The following FBXL17 variants were observed in gnomAD, a reference collection of about 807,000 sequenced individuals.
FBXL17 encodes the protein F-box/LRR-repeat protein 17.
In FBXL17, 22 loss-of-function variants were observed where a neutral mutation model predicts 66.2. The observed-to-expected ratio is 0.33, with a 90% CI of 0.24 to 0.47. The LOEUF is 0.47. Ranked by LOEUF, FBXL17 falls within the 20% of genes least tolerant of loss-of-function variation. The probability of loss-of-function intolerance (pLI) is 1.00; values close to 1 mark genes in which losing one functional copy is unlikely to be tolerated. For missense variants in FBXL17, 878 were observed against 948.2 expected (o/e 0.93, Z 0.97); for synonymous variants, 474 against 400.5 (o/e 1.18, Z -2.19).
At chr5:108,205,102 G>T (rs575566254) in intron 5 of FBXL17, among the ~76,000 whole-genome samples, 204 of 151,664 alleles carry the variant, frequency 1.3e-3, no homozygotes, top group African/African-American at 4.8e-3. Context: ...TTAGAAACAG[G>T]GTTTGTTACC....
At chr5:108,268,005 T>C (rs1439110893) in intron 4 of FBXL17, among the ~76,000 whole-genome samples, 1 of 152,106 alleles carries the variant, frequency 6.6e-6, no homozygotes, top group Non-Finnish European at 1.5e-5. Flanking sequence ...GTAATTTTAG[T>C]TTTTTGTTGA....
chr5:107,984,818 A>G (rs1752956866), intron 7 of FBXL17, among the ~76,000 whole-genome samples: 3 of 152,348 alleles, frequency 2.0e-5, no homozygotes, highest in South Asian at 2.1e-4. Flanking sequence ...TCAGAAAGCT[A>G]TCATTCATTT....
chr5:107,922,182 C>T (rs952232187), intron 7 of FBXL17, among the ~76,000 whole-genome samples: 65 of 152,294 alleles, frequency 4.3e-4, no homozygotes, highest in East Asian at 5.8e-4. Flanking sequence ...TGCTCTAATG[C>T]TGTGGGCACT....
chr5:107,913,874 G>C (rs955773639), intron 7 of FBXL17, among the ~76,000 whole-genome samples: 2 of 152,058 alleles, frequency 1.3e-5, no homozygotes, highest in African/African-American at 4.8e-5. Flanking sequence ...AACAGTACAA[G>C]AGCATGTGCC....
intron 6 of FBXL17, among the ~76,000 whole-genome samples, chr5:108,096,270 T>A: frequency 6.6e-6 from 1 of 152,234 alleles, no homozygotes; most frequent in East Asian, 1.9e-4. Context: ...AAGCCATTAA[T>A]TCATTATCAA....
intron 7 of FBXL17, among the ~76,000 whole-genome samples, chr5:108,000,130 A>G (rs1753661605): frequency 6.6e-6 from 1 of 152,190 alleles, no homozygotes; most frequent in Admixed American, 6.5e-5. Context: ...CCTCCCTTCT[A>G]GATTTGCTGT....
chr5:108,312,241 C>A (rs985705642), intron 4 of FBXL17, among the ~76,000 whole-genome samples: 18 of 152,200 alleles, frequency 1.2e-4, no homozygotes, highest in African/African-American at 3.9e-4. Context: ...TCTCTCAACT[C>A]CCATAAAAAA....
chr5:108,289,196 G>T (rs909717000), intron 4 of FBXL17, among the ~76,000 whole-genome samples: 1 of 152,018 alleles, frequency 6.6e-6, no homozygotes, highest in Non-Finnish European at 1.5e-5. Flanking sequence ...TAACACACAC[G>T]AAGTACCTGG....
At chr5:107,906,545 A>C (rs371515145) in intron 7 of FBXL17, among the ~76,000 whole-genome samples, 3 of 152,186 alleles carry the variant, frequency 2.0e-5, no homozygotes, top group East Asian at 3.8e-4. Flanking sequence ...GCTACATTTC[A>C]GATGATTGAG....
chr5:108,164,409 C>A (rs1752332775), intron 6 of FBXL17, among the ~76,000 whole-genome samples: 1 of 152,090 alleles, frequency 6.6e-6, no homozygotes, highest in Non-Finnish European at 1.5e-5. Flanking sequence ...TGTCTTAGTC[C>A]AAGCCTCTTC....
intron 7 of FBXL17, among the ~76,000 whole-genome samples, chr5:107,974,050 T>G (rs1484405197): frequency 6.6e-6 from 1 of 152,158 alleles, no homozygotes; most frequent in Non-Finnish European, 1.5e-5. Flanking sequence ...ATTTGCTATT[T>G]GCAAGGCAGA....
intron 6 of FBXL17, among the ~76,000 whole-genome samples, chr5:108,093,728 G>C (rs1749271141): frequency 6.6e-6 from 1 of 152,174 alleles, no homozygotes; most frequent in Non-Finnish European, 1.5e-5. Flanking sequence ...TCAGAATTAA[G>C]TGGGTAGGTC....
chr5:107,936,586 A>G (rs1187677870), intron 7 of FBXL17, among the ~76,000 whole-genome samples: 1 of 115,914 alleles, frequency 8.6e-6, no homozygotes, highest in African/African-American at 3.3e-5. Context: ...ATGATGCTAC[A>G]TTAGAATGAC....
At chr5:108,238,297 ACTTTT>A (rs1755695339) in intron 4 of FBXL17, among the ~76,000 whole-genome samples, 1 of 152,358 alleles carries the variant, frequency 6.6e-6, no homozygotes, top group East Asian at 1.9e-4. Context: ...TATTTAAAGT[ACTTTT>A]CTTTTAAACC....
intron 5 of FBXL17, among the ~76,000 whole-genome samples, chr5:108,219,928 C>CTTTTTTTTTTTTTTTTTTTTCTT (rs1754780953): frequency 2.7e-5 from 1 of 37,434 alleles, no homozygotes; most frequent in Non-Finnish European, 4.6e-5. Flanking sequence ...TTACTATTTC[C>CTTTTTTTTTTTTTTTTTTTTCTT]TTTTTTTTTT....
At chr5:108,148,200 A>T (rs1008827270) in intron 6 of FBXL17, among the ~76,000 whole-genome samples, 3 of 152,214 alleles carry the variant, frequency 2.0e-5, no homozygotes, top group Non-Finnish European at 4.4e-5. Flanking sequence ...CATATTGATT[A>T]CCTATATATT....
Position 108,326,034 on chromosome 5 carries a change from T to C in FBXL17, c.1506+22365A>G, listed in dbSNP as rs918811655. On this transcript the variant is annotated intron_variant, in intron 4 of 8. Transcript: ENST00000542267. The stretch of plus-strand genomic sequence containing the variant: ...CCCCATTTCCACTGAGTTTACACTT[T>C]AAGGGTGGAACATGATAAACAAACA... Among the ~76,000 whole-genome samples, 3 of 152,112 alleles carry C rather than the reference T, an allele frequency of 2.0e-5. No homozygotes were observed. The East Asian group carries it at 5.8e-4, about 29-fold the overall frequency.
Position 108,143,344 on chromosome 5 carries a change from TTC to T in FBXL17, c.1745+42771_1745+42772del, listed in dbSNP as rs201852011. Among the ~76,000 whole-genome samples, 948 of 127,538 alleles carry T rather than the reference TTC, an allele frequency of 7.4e-3. 13 individuals are homozygous for T. The highest frequency in any genetic ancestry group is 0.03 in the African/African-American group (885 of 29,870). The allele number at this position is 127,538 out of a possible 152,430, so 83.7% of individuals were successfully genotyped here. ...AACAAGTTTTACCAGAAGAACAGCA[TTC>T]TCACACACACACACACACACACACA... On this transcript the variant is annotated intron_variant, in intron 6 of 8. Transcript: ENST00000542267.
chr5:108,196,078 T>C (rs1753669596), intron 5 of FBXL17, among the ~76,000 whole-genome samples: 1 of 152,068 alleles, frequency 6.6e-6, no homozygotes. Context: ...ATGTGTTAAA[T>C]TCATTAAGTT....
Sources: allele counts gnomAD v4.1 joint callset (sites outside exome capture counted in the v4.1 genomes callset), GRCh38; gene constraint gnomAD v4.1.1; transcripts MANE v1.5; gene names NCBI Gene and HGNC (gene_info 2026-07-23, HGNC 2026-07-21).